The following NSD3 variants were observed in gnomAD, a reference collection of about 807,000 sequenced individuals.
The protein encoded by NSD3 is nuclear receptor binding SET domain protein 3.
Under a neutral mutation model 160.8 loss-of-function variants are expected in NSD3, and 24 were observed. The ratio of observed to expected loss-of-function variants is 0.15; its 90% CI spans 0.11 to 0.21. NSD3 has a LOEUF of 0.21. Ranked by LOEUF, NSD3 falls within the 10% of genes least tolerant of loss-of-function variation. The pLI is 1.00. For missense variants in NSD3, 1,157 were observed against 1,735.9 expected (o/e 0.67, Z 5.93); for synonymous variants, 520 against 600.0 (o/e 0.87, Z 1.95).
At chr8:38,333,050 G>A (rs927765955) in intron 4 of NSD3, among the ~76,000 whole-genome samples, 6 of 151,848 alleles carry the variant, frequency 4.0e-5, no homozygotes, top group African/African-American at 1.2e-4. Flanking sequence ...GGTTTTTGGG[G>A]GGAAAAATAG....
intron 1 of NSD3, among the ~76,000 whole-genome samples, chr8:38,349,432 C>T (rs1563364416): frequency 6.6e-6 from 1 of 151,804 alleles, no homozygotes; most frequent in Non-Finnish European, 1.5e-5. Flanking sequence ...AATCCTCCTG[C>T]TTCAGCCTCC....
chr8:38,295,324 G>A (rs1809109073), intron 16 of NSD3, among the ~76,000 whole-genome samples: 2 of 152,038 alleles, frequency 1.3e-5, no homozygotes, highest in Admixed American at 1.3e-4. Context: ...CACTTTGGGA[G>A]GCTGAGGTGG....
Position 38,290,808 on chromosome 8 carries a change from C to G in NSD3, c.2916-131G>C, listed in dbSNP as rs929866102. On this transcript the variant is annotated intron_variant, in intron 16 of 23. Transcript: ENST00000317025. ...ATTCAGATTCTAAGAACATAAAATA[C>G]CACACATCATTATAAAAAGTAATTA... 3 of 751,530 alleles carry G rather than the reference C, an allele frequency of 4.0e-6. No individual in the cohort carries two copies. The Admixed American group carries it at 8.6e-5, about 22-fold the overall frequency. The allele number at this position is 751,530 out of a possible 1,614,324, so 46.6% of individuals were successfully genotyped here.
At chr8:38,310,574 TAC>T (rs1030509395) in intron 12 of NSD3, among the ~76,000 whole-genome samples, 5 of 151,930 alleles carry the variant, frequency 3.3e-5, no homozygotes, top group African/African-American at 1.2e-4. Context: ...GTGATGCCAT[TAC>T]AGTTCACCGC....
intron 1 of NSD3, among the ~76,000 whole-genome samples, chr8:38,356,979 C>T (rs1161200273): frequency 6.6e-6 from 1 of 151,496 alleles, no homozygotes; most frequent in African/African-American, 2.4e-5. Context: ...ATTAGCCAGG[C>T]ATGGTGGTAC....
At chr8:38,346,936 G>A (rs746190368) in intron 2 of NSD3, among the ~76,000 whole-genome samples, 1 of 151,948 alleles carries the variant, frequency 6.6e-6, no homozygotes. Flanking sequence ...GCAAATTCAC[G>A]CTGAAATCTC....
chr8:38,338,965 C>T (rs1255473567), intron 2 of NSD3, among the ~76,000 whole-genome samples: 1 of 152,034 alleles, frequency 6.6e-6, no homozygotes, highest in Non-Finnish European at 1.5e-5. Context: ...CATGGTGAAA[C>T]CCCGTCTCTA....
At position 38,308,795 on chromosome 8, in the gene NSD3, G is replaced by A. The variant is rs557958374; in HGVS notation, c.2243-3350C>T. The stretch of plus-strand genomic sequence containing the variant: ...CATGCCACTGCACTCCAGCCTGGGC[G>A]ACAGAGCAAGAACCTCTCTCAAGAA... On this transcript the variant is annotated intron_variant, in intron 12 of 23. Coordinates refer to ENST00000317025, the MANE Select transcript of NSD3 (RefSeq NM_023034.2). 9.9e-5 allele frequency among the ~76,000 whole-genome samples: 15 copies of A among 152,092 alleles called. No homozygotes were observed. In the East Asian group the frequency reaches 1.2e-3, roughly 12 times the overall value.
At position 38,305,280 on chromosome 8, in the gene NSD3, G is replaced by T. The variant is rs1424060729; in HGVS notation, c.2408C>A (p.Ser803Tyr). The T allele has an allele frequency of 6.2e-7, 1 of 1,614,188 alleles. No individual in the cohort carries two copies. Among genetic ancestry groups the T allele is most frequent in the Non-Finnish European group, 8.5e-7 (1 of 1,180,038 alleles). The change falls in exon 13 of 24, where the codon TCT becomes TAT. Residue 803 changes from serine to tyrosine, a missense_variant. Transcript: ENST00000317025. ...TGCTTTGTGGATATCTTTCTCCATA[G>T]AGCAGGCAGAGCAGCAGTGCTGAGG... ...RCPQHCCSAC[S>Y]MEKDIHKASK...
In NSD3 at chr8:38,290,518, G is replaced by A. The variant is rs752062623; in HGVS notation, c.3075C>T (p.Ser1025=). 24 of 1,614,022 alleles carry A rather than the reference G, an allele frequency of 1.5e-5. No individual in the cohort carries two copies. The stretch of plus-strand genomic sequence containing the variant: ...TAATACTAGTCTGCCCTTCAGCAAA[G>A]CTTTTGTCTCCTTCAACATAAGGGA... The part of the protein sequence containing the change: ...RVFPYVEGDK[S]FAEGQTSINK... Residue 1025 remains serine, a synonymous_variant, in exon 17 of 24, where the codon AGC becomes AGT. Transcript: ENST00000317025.
At chr8:38,278,967 T>A (rs1384352367) in intron 21 of NSD3, among the ~76,000 whole-genome samples, 1 of 152,234 alleles carries the variant, frequency 6.6e-6, no homozygotes, top group Non-Finnish European at 1.5e-5. Flanking sequence ...GTTTTAGCTA[T>A]AACATTTCTC....
chr8:38,360,351 T>C (rs1810931813), intron 1 of NSD3, among the ~76,000 whole-genome samples: 1 of 152,210 alleles, frequency 6.6e-6, no homozygotes, highest in Non-Finnish European at 1.5e-5. Flanking sequence ...GGCCATTATA[T>C]ATTAATTGTA....
rs1186155394 is a variant in NSD3, at chr8:38,304,772, G to A, written c.2441-15C>T. 3.8e-6 allele frequency: 6 copies of A among 1,579,674 alleles called. No individual in the cohort carries two copies. In the Admixed American group the frequency reaches 5.8e-5, roughly 15 times the overall value. On this transcript the variant is annotated splice_polypyrimidine_tract_variant and intron_variant, in intron 13 of 23. Transcript: ENST00000317025. ...CATCATGCGGCCTGTTTAAAGACAA[G>A]TCAAAAAGGAATCTAATAAGGCATC...
At chr8:38,308,958 CAT>C (rs1387858014) in intron 12 of NSD3, among the ~76,000 whole-genome samples, 4 of 152,260 alleles carry the variant, frequency 2.6e-5, no homozygotes, top group Admixed American at 1.3e-4. Context: ...AGAGCTCTAA[CAT>C]GTGAGTGCTT....
Position 38,288,004 on chromosome 8 carries a change from CAGG to C in NSD3, c.3501+480_3501+482del, listed in dbSNP as rs1299215286. On this transcript the variant is annotated intron_variant, in intron 19 of 23. Coordinates refer to ENST00000317025, the MANE Select transcript of NSD3 (RefSeq NM_023034.2). The surrounding 1 kb of genome is among the most constrained non-coding windows in gnomAD (Gnocchi z 4.5). ...ATCCCAGCACTGTGGGAGGCCAAGG[CAGG>C]AGAATTGCTTGAGTCCAGGAGTTTG... is the stretch of plus-strand genomic sequence containing the variant. Among the ~76,000 whole-genome samples the C allele has an allele frequency of 6.6e-6, 1 of 151,856 alleles. No individual in the cohort carries two copies. Among genetic ancestry groups the C allele is most frequent in the Admixed American group, 6.6e-5 (1 of 15,230 alleles).
Position 38,316,850 on chromosome 8 carries a change from CAAT to C in NSD3, c.1856-811_1856-809del. ...GTGTGTAATACAAATCCAGCCAAAA[CAAT>C]AGTGCAAAAAGTTACAAAGCAACAA... On this transcript the variant is annotated intron_variant, in intron 9 of 23. Coordinates refer to ENST00000317025, the MANE Select transcript of NSD3 (RefSeq NM_023034.2). This position sits in a 1 kb window ranked among gnomAD's most constrained non-coding sequence, Gnocchi z 4.5. The C allele has an allele frequency of 9.4e-7, 1 of 1,062,250 alleles. No homozygotes were observed. Among genetic ancestry groups the C allele is most frequent in the Non-Finnish European group, 1.1e-6 (1 of 877,276 alleles). 65.8% of individuals were successfully genotyped at this position (1,062,250 alleles called of 1,614,324 possible).
intron 23 of NSD3, 27 bp downstream of exon 23, chr8:38,276,269 G>A (rs1386454680): frequency 1.2e-6 from 2 of 1,610,460 alleles, no homozygotes; most frequent in Non-Finnish European, 1.7e-6. Context: ...CACAAATTAG[G>A]GAAAGGGTCC....
intron 22 of NSD3, 103 bp from the exon 23 acceptor site, chr8:38,276,603 G>A: frequency 8.0e-7 from 1 of 1,255,508 alleles, no homozygotes; most frequent in Non-Finnish European, 1.1e-6. Flanking sequence ...TTCATCTGTT[G>A]TACAATTACC....
chr8:38,316,447 C>G lies in NSD3; in HGVS notation c.1856-405G>C. 9.6e-7 allele frequency: 1 copy of G among 1,043,734 alleles called. No homozygotes were observed. The allele number at this position is 1,043,734 out of a possible 1,614,324, so 64.7% of individuals were successfully genotyped here. On this transcript the variant is annotated intron_variant, in intron 9 of 23. Coordinates refer to ENST00000317025, the MANE Select transcript of NSD3 (RefSeq NM_023034.2). The surrounding 1 kb of genome is among the most constrained non-coding windows in gnomAD (Gnocchi z 4.5). ...TACAAATATGGTTGCAGAGACATCT[C>G]CATCTTGTTTTTATTAGGGATGTGA...
Sources: allele counts gnomAD v4.1 joint callset (sites outside exome capture counted in the v4.1 genomes callset), GRCh38; gene constraint gnomAD v4.1.1; non-coding constraint Gnocchi (gnomAD v3.1); transcripts MANE v1.5; gene names NCBI Gene and HGNC (gene_info 2026-07-23, HGNC 2026-07-21).